The following PDZD2 variants were observed in gnomAD, a reference collection of about 807,000 sequenced individuals.
The protein encoded by PDZD2 is PDZ domain containing 2, also known as PDZ domain-containing protein 2.
PDZD2 carries 90 observed loss-of-function variants against 220.7 expected under a neutral mutation model. The ratio of observed to expected loss-of-function variants is 0.41; its 90% confidence interval spans 0.34 to 0.49. The LOEUF is 0.49. PDZD2 is among the 20% of genes least tolerant of loss of function. The probability of loss-of-function intolerance (pLI) is 0.28; values close to 1 mark genes in which losing one functional copy is unlikely to be tolerated. For synonymous variants in PDZD2, 1,375 were observed against 1,450.5 expected, an observed-to-expected ratio of 0.95 and a Z score of 1.18; for missense variants, 3,174 against 3,608.5, an observed-to-expected ratio of 0.88 and a Z score of 3.08.
chr5:31,917,169 C>T (rs1302905466), intron 2 of PDZD2, among the ~76,000 whole-genome samples: 1 of 152,236 alleles, frequency 6.6e-6, no homozygotes, highest in East Asian at 1.9e-4. Flanking sequence ...CCCTTGGGAG[C>T]CACAGGATTG....
chr5:31,749,581 G>A (rs989768798), intron 1 of PDZD2, among the ~76,000 whole-genome samples: 1 of 152,102 alleles, frequency 6.6e-6, no homozygotes, highest in Non-Finnish European at 1.5e-5. Flanking sequence ...CCGCCACCAT[G>A]CCTGGCTAAT....
In PDZD2 at chr5:31,799,725, G is replaced by A. The variant is rs1454891154; in HGVS notation, c.476+1G>A. ...TTGGAGTTGATGTCAGTGGGGCCAG[G>A]TAAGTAGGGGGAATGCCTGCTGGCA... On this transcript the variant is annotated splice_donor_variant, in intron 2 of 24. Transcript: ENST00000438447. LOFTEE classifies it high-confidence loss of function. 8.1e-6 allele frequency: 13 copies of A among 1,598,358 alleles called. No individual in the cohort carries two copies. The highest frequency in any genetic ancestry group is 1.1e-5 in the Non-Finnish European group (13 of 1,166,028).
At chr5:32,040,270 G>T (rs1379339320) in intron 7 of PDZD2, among the ~76,000 whole-genome samples, 1 of 147,140 alleles carries the variant, frequency 6.8e-6, no homozygotes, top group Non-Finnish European at 1.5e-5. Flanking sequence ...TGTGAGGAGC[G>T]CCTCTGCACG....
At chr5:31,936,142 C>T in intron 2 of PDZD2, 3 of 987,288 alleles carry the variant, frequency 3.0e-6, no homozygotes, top group Non-Finnish European at 3.6e-6. Context: ...AGAATCTGCT[C>T]CTCAGCTCCA....
intron 2 of PDZD2, among the ~76,000 whole-genome samples, chr5:31,889,798 T>C (rs866854236): frequency 1.3e-5 from 2 of 152,202 alleles, no homozygotes; most frequent in Non-Finnish European, 2.9e-5. Context: ...GGTGGGCAGA[T>C]CTTTTGAGGT....
chr5:31,761,928 C>T (rs906942942), intron 1 of PDZD2, among the ~76,000 whole-genome samples: 14 of 151,104 alleles, frequency 9.3e-5, no homozygotes, highest in South Asian at 2.1e-4. Flanking sequence ...ATAATGCTGG[C>T]GTCTGGGAGG....
intron 6 of PDZD2, among the ~76,000 whole-genome samples, chr5:32,026,966 G>A (rs575252664): frequency 6.6e-5 from 10 of 152,240 alleles, no homozygotes; most frequent in African/African-American, 2.4e-4. Context: ...GCAGTGGCAC[G>A]ATCTCGGCTC....
chr5:32,093,195 A>G (rs551470683), intron 21 of PDZD2, among the ~76,000 whole-genome samples, 171 bp downstream of exon 21: 67 of 152,246 alleles, frequency 4.4e-4, no homozygotes, highest in African/African-American at 1.6e-3. Context: ...ACGTGCTGCT[A>G]GCCAGCTTCA....
At chr5:31,878,006 G>A (rs1739466173) in intron 2 of PDZD2, among the ~76,000 whole-genome samples, 1 of 152,034 alleles carries the variant, frequency 6.6e-6, no homozygotes, top group South Asian at 2.1e-4. Flanking sequence ...GTTTATGAAG[G>A]TATCTTACAA....
chr5:32,093,664 G>T (rs928177306), intron 21 of PDZD2, among the ~76,000 whole-genome samples: 1 of 152,148 alleles, frequency 6.6e-6, no homozygotes, highest in Non-Finnish European at 1.5e-5. Flanking sequence ...GTAAGTTAGA[G>T]ATAATAGAAC....
chr5:31,699,697 G>A (rs1342003362), intron 1 of PDZD2, among the ~76,000 whole-genome samples: 3 of 151,994 alleles, frequency 2.0e-5, no homozygotes, highest in South Asian at 4.2e-4. Flanking sequence ...TCCACCTCCC[G>A]GGTTCAAGCA....
chr5:31,760,776 G>T (rs1335679082), intron 1 of PDZD2, among the ~76,000 whole-genome samples: 1 of 152,128 alleles, frequency 6.6e-6, no homozygotes, highest in Non-Finnish European at 1.5e-5. Context: ...TACAAAATTA[G>T]CCAGATGCGG....
intron 1 of PDZD2, chr5:31,787,581 C>G (rs1185669851): frequency 6.6e-6 from 1 of 152,010 alleles, no homozygotes; most frequent in East Asian, 1.9e-4. Flanking sequence ...AAATAGCTGC[C>G]AGGTTATCCT....
chr5:32,100,869 A>G (rs1399424652), intron 23 of PDZD2: 1 of 1,564,688 alleles, frequency 6.4e-7, no homozygotes, highest in Non-Finnish European at 8.6e-7. Context: ...CAGAAAACAC[A>G]GAACAAAGGA....
At chr5:31,701,197 A>T in intron 1 of PDZD2, among the ~76,000 whole-genome samples, 1 of 111,378 alleles carries the variant, frequency 9.0e-6, no homozygotes, top group East Asian at 3.3e-4. Context: ...CCTGGAAAAT[A>T]TATATATATT....
At position 32,048,550 on chromosome 5, in the gene PDZD2, C is replaced by T. The variant is rs1387630551; in HGVS notation, c.1531C>T (p.Arg511Cys). 21 of 1,613,472 alleles carry T rather than the reference C, an allele frequency of 1.3e-5. No individual in the cohort carries two copies. Among genetic ancestry groups the T allele is most frequent in the Admixed American group, 3.3e-5 (2 of 59,970 alleles). The change falls in exon 8 of 25, where the codon CGC (arginine) becomes TGC (cysteine). Residue 511 changes from arginine (R) to cysteine (C), a missense_variant. This residue lies in a region of PDZD2 where 632 missense variants were observed against 708.1 expected (regional missense o/e 0.89). Coordinates refer to ENST00000438447, the MANE Select transcript of PDZD2 (RefSeq NM_178140.4). ...LKSRLSGGVH[R>C]LESVEEYNEL... is the part of the protein sequence containing the mutation. ...TCTGTTTTCTCAAGGGGGTGTACACCGCCTTGAGTCAGTTGAAGAATATAA... is the reference window on the plus strand; with the variant it reads ...TCTGTTTTCTCAAGGGGGTGTACACTGCCTTGAGTCAGTTGAAGAATATAA...
At chr5:32,055,188 T>C (rs1738981908) in intron 10 of PDZD2, among the ~76,000 whole-genome samples, 1 of 152,114 alleles carries the variant, frequency 6.6e-6, no homozygotes, top group African/African-American at 2.4e-5. Context: ...CACAGGTATA[T>C]ACATATATAT....
intron 1 of PDZD2, among the ~76,000 whole-genome samples, chr5:31,778,803 G>A (rs149852675): frequency 6.6e-6 from 1 of 152,042 alleles, no homozygotes; most frequent in Non-Finnish European, 1.5e-5. Context: ...TTTTAAATCA[G>A]TAAAGTAATA....
intron 1 of PDZD2, among the ~76,000 whole-genome samples, chr5:31,653,398 G>A (rs1213797479): frequency 2.6e-5 from 4 of 152,088 alleles, no homozygotes; most frequent in Non-Finnish European, 5.9e-5. Flanking sequence ...AGATTGGCAC[G>A]TCTGGGTGGG....
Sources: gnomAD v4.1 joint callset for allele counts (sites outside exome capture counted in the v4.1 genomes callset) on GRCh38, gnomAD v4.1.1 for gene constraint, gnomAD v4.1.1 regional missense constraint, MANE v1.5 for transcripts, NCBI Gene and HGNC (gene_info 2026-07-23, HGNC 2026-07-21) for gene names.